Variants in GPC6 observed in about 807,000 individuals in gnomAD.
GPC6 encodes glypican-6.
In GPC6, 14 loss-of-function variants were observed where a neutral mutation model predicts 55.2. The ratio of observed to expected loss-of-function variants is 0.25; its 90% CI spans 0.17 to 0.40. The LOEUF (loss-of-function observed/expected upper bound fraction) is 0.40. GPC6 is among the 10% of genes least tolerant of loss of function. GPC6 has a pLI of 1.00. For missense variants in GPC6, 641 were observed against 708.5 expected, an observed-to-expected ratio of 0.90 and a Z score of 1.08; for synonymous variants, 278 against 259.6, an observed-to-expected ratio of 1.07 and a Z score of -0.68.
chr13:93,830,587 T>G (rs1377009026), intron 3 of GPC6, 42 bp downstream of exon 3: 30 of 1,518,498 alleles, frequency 2.0e-5, no homozygotes, highest in Non-Finnish European at 2.7e-5. Flanking sequence ...TGTTCCTTGT[T>G]TATTCTGTTT....
At chr13:94,347,602 A>G (rs1455878635) in intron 6 of GPC6, among the ~76,000 whole-genome samples, 3 of 152,244 alleles carry the variant, frequency 2.0e-5, no homozygotes, top group East Asian at 3.8e-4. Context: ...TTGATTTGAC[A>G]TAATGTAATA....
At chr13:94,060,198 G>T (rs1437393643) in intron 4 of GPC6, among the ~76,000 whole-genome samples, 1 of 152,118 alleles carries the variant, frequency 6.6e-6, no homozygotes, top group Non-Finnish European at 1.5e-5. Flanking sequence ...ATTGCAATCT[G>T]CCCTGTCTCC....
At chr13:93,686,155 A>G (rs545209133) in intron 2 of GPC6, among the ~76,000 whole-genome samples, 1 of 152,162 alleles carries the variant, frequency 6.6e-6, no homozygotes, top group South Asian at 2.1e-4. Flanking sequence ...TATATCCCCC[A>G]TGATTTTGTT....
intron 4 of GPC6, among the ~76,000 whole-genome samples, chr13:94,079,198 G>A (rs375150845): frequency 1.7e-4 from 26 of 152,028 alleles, no homozygotes; most frequent in East Asian, 5.8e-4. Context: ...TTGAGAAATG[G>A]CGGATTTTTA....
At chr13:93,435,672 G>A (rs1179222555) in intron 1 of GPC6, among the ~76,000 whole-genome samples, 2 of 152,104 alleles carry the variant, frequency 1.3e-5, no homozygotes, top group African/African-American at 4.8e-5. Flanking sequence ...AATAAAATCT[G>A]GGGGCTTCTC....
At chr13:93,505,040 G>A (rs1230351004) in intron 1 of GPC6, among the ~76,000 whole-genome samples, 1 of 152,170 alleles carries the variant, frequency 6.6e-6, no homozygotes. Flanking sequence ...TGTTGCTGTA[G>A]TTTATTTTGA....
At chr13:94,390,717 AC>A in intron 7 of GPC6, among the ~76,000 whole-genome samples, 1 of 152,176 alleles carries the variant, frequency 6.6e-6, no homozygotes, top group Non-Finnish European at 1.5e-5. Flanking sequence ...ACAAATCCAA[AC>A]CATATCAGTG....
At chr13:93,529,649 T>G (rs534199069) in intron 1 of GPC6, among the ~76,000 whole-genome samples, 4 of 151,098 alleles carry the variant, frequency 2.6e-5, no homozygotes, top group African/African-American at 9.7e-5. Flanking sequence ...CCCCAGTAGC[T>G]GGGATTACAG....
intron 2 of GPC6, among the ~76,000 whole-genome samples, chr13:93,779,407 T>C (rs557195034): frequency 5.9e-5 from 9 of 152,364 alleles, no homozygotes; most frequent in African/African-American, 2.2e-4. Flanking sequence ...TTAAAAATTA[T>C]GGATTACTTA....
At chr13:94,228,094 T>C (rs995283551) in intron 4 of GPC6, among the ~76,000 whole-genome samples, 1 of 152,178 alleles carries the variant, frequency 6.6e-6, no homozygotes, top group Non-Finnish European at 1.5e-5. Flanking sequence ...TGGGACAAGA[T>C]TGCCAAAACA....
At position 93,349,272 on chromosome 13, in the gene GPC6, T is replaced by C. The variant is rs182547800; in HGVS notation, c.160+121656T>C. On this transcript the variant is annotated intron_variant, in intron 1 of 8. Coordinates refer to ENST00000377047, the MANE Select transcript of GPC6 (RefSeq NM_005708.5). ...CAGAACATGTTAGCTTTTTTTTCCC[T>C]GTAAAAGTAACTAAGTTGTATCATT... 1.1e-3 allele frequency among the ~76,000 whole-genome samples: 174 copies of C among 152,080 alleles called. 1 individual carries two copies. Among genetic ancestry groups the C allele is most frequent in the Non-Finnish European group, 1.2e-3 (83 of 67,980 alleles).
chr13:94,267,472 C>T (rs1891854850), intron 4 of GPC6, among the ~76,000 whole-genome samples: 1 of 152,130 alleles, frequency 6.6e-6, no homozygotes, highest in African/African-American at 2.4e-5. Context: ...GCAGTAGACA[C>T]ATCTTTCTGC....
chr13:94,114,241 G>T (rs762397895), intron 4 of GPC6, among the ~76,000 whole-genome samples: 9 of 151,558 alleles, frequency 5.9e-5, no homozygotes, highest in Non-Finnish European at 1.3e-4. Flanking sequence ...ATCTACATGT[G>T]TAGTCTTCTC....
At chr13:93,231,179 T>A (rs1422981405) in intron 1 of GPC6, among the ~76,000 whole-genome samples, 1 of 151,502 alleles carries the variant, frequency 6.6e-6, no homozygotes, top group Non-Finnish European at 1.5e-5. Flanking sequence ...TACTAGTAAG[T>A]AATGAGGCTG....
intron 3 of GPC6, among the ~76,000 whole-genome samples, chr13:93,843,435 A>G (rs761909629): frequency 1.2e-4 from 18 of 152,186 alleles, no homozygotes; most frequent in Non-Finnish European, 2.5e-4. Flanking sequence ...GGATGGGTAT[A>G]TAAAGGGGAG....
intron 2 of GPC6, among the ~76,000 whole-genome samples, chr13:93,680,204 AG>A (rs1881797575): frequency 6.6e-6 from 1 of 152,158 alleles, no homozygotes; most frequent in African/African-American, 2.4e-5. Flanking sequence ...CCTTATTAAA[AG>A]GGACACAGAG....
At chr13:93,738,028 C>A (rs192529268) in intron 2 of GPC6, among the ~76,000 whole-genome samples, 4 of 152,210 alleles carry the variant, frequency 2.6e-5, no homozygotes, top group Middle Eastern at 3.4e-3. Context: ...GATTACCAAC[C>A]ACTTTTTTAC....
At chr13:93,385,626 A>C (rs1875367386) in intron 1 of GPC6, among the ~76,000 whole-genome samples, 1 of 152,150 alleles carries the variant, frequency 6.6e-6, no homozygotes, top group Non-Finnish European at 1.5e-5. Flanking sequence ...TGGAGAAATG[A>C]CAGTTGGAGA....
At chr13:94,172,957 C>A (rs370381370) in intron 4 of GPC6, among the ~76,000 whole-genome samples, 1 of 152,086 alleles carries the variant, frequency 6.6e-6, no homozygotes, top group Non-Finnish European at 1.5e-5. Flanking sequence ...CACATGAGTA[C>A]GGAGCAGTGG....
Sources: gnomAD v4.1 joint callset for allele counts (sites outside exome capture counted in the v4.1 genomes callset) on GRCh38, gnomAD v4.1.1 for gene constraint, MANE v1.5 for transcripts, NCBI Gene and HGNC (gene_info 2026-07-23, HGNC 2026-07-21) for gene names.